ZMYM5: variants seen among roughly 807,000 people sequenced by gnomAD.
ZMYM5 encodes zinc finger MYM-type containing 5.
In ZMYM5, 41 loss-of-function variants were observed where a neutral mutation model predicts 61.8. That is an observed-to-expected ratio of 0.66 (90% confidence interval 0.52 to 0.86). The LOEUF (loss-of-function observed/expected upper bound fraction) is 0.86. ZMYM5 is among the 40% of genes least tolerant of loss of function. ZMYM5 has a pLI of 0.00. For missense variants in ZMYM5, 706 were observed against 786.7 expected, an observed-to-expected ratio of 0.90 and a Z score of 1.23; for synonymous variants, 257 against 276.4, an observed-to-expected ratio of 0.93 and a Z score of 0.70.
intron 4 of ZMYM5, among the ~76,000 whole-genome samples, chr13:19,840,729 T>C (rs1181864285): frequency 1.3e-5 from 2 of 151,248 alleles, no homozygotes; most frequent in East Asian, 2.0e-4. Context: ...CAGGCTGGAG[T>C]GCAGTGGTGC....
chr13:19,842,960 C>CAAAA (rs753799756), intron 4 of ZMYM5, among the ~76,000 whole-genome samples: 3 of 77,734 alleles, frequency 3.9e-5, no homozygotes, highest in African/African-American at 1.4e-4. Context: ...AACTCCATCT[C>CAAAA]AAAAAAAAAA....
chr13:19,838,770 A>G lies in ZMYM5; in HGVS notation c.802T>C (p.Cys268Arg), dbSNP rs1952758421. The G allele has an allele frequency of 1.2e-6, 2 of 1,614,114 alleles. No individual in the cohort carries two copies. Among genetic ancestry groups the G allele is most frequent in the South Asian group, 2.2e-5 (2 of 91,086 alleles). ...YQRKGSAHLF[C>R]STTCLSSFSH... ...AAGGAAGAAAGGCAGGTGGTAGAGC[A>G]AAAGAGGTGAGCTGATCCTTTTCGT... The change falls in exon 5 of 8, where the codon TGC (cysteine) becomes CGC (arginine). Residue 268 changes from cysteine (C) to arginine (R), a missense_variant. Cys to Arg is a radical substitution (Grantham distance 180, BLOSUM62 -3). Around this residue, in one of 2 missense-constraint regions of ZMYM5, gnomAD observed 480 missense variants for 461.7 expected, o/e 1.04. Transcript: ENST00000337963.
chr13:19,839,596 G>A (rs919397457), intron 4 of ZMYM5, among the ~76,000 whole-genome samples: 3 of 151,670 alleles, frequency 2.0e-5, no homozygotes, highest in African/African-American at 7.3e-5. Flanking sequence ...GGCTGGTCAC[G>A]GACTCCTGGC....
At position 19,836,852 on chromosome 13, in the gene ZMYM5, C is replaced by A. The variant is rs116813665; in HGVS notation, c.1038+804G>T. ...GTGAGGACTGCCTGCATGCATGTTTCTTCTCTTCTAGGAAATGGGAAGATT... is the reference window on the plus strand; with the variant it reads ...GTGAGGACTGCCTGCATGCATGTTTATTCTCTTCTAGGAAATGGGAAGATT... On this transcript the variant is annotated intron_variant, in intron 6 of 7. Transcript: ENST00000337963. 2.1e-3 allele frequency among the ~76,000 whole-genome samples: 325 copies of A among 152,220 alleles called. 2 individuals are homozygous for A. The highest frequency in any genetic ancestry group is 6.3e-3 in the African/African-American group (260 of 41,540).
intron 7 of ZMYM5, among the ~76,000 whole-genome samples, chr13:19,835,252 C>T (rs1952639365): frequency 6.6e-6 from 1 of 152,068 alleles, no homozygotes; most frequent in African/African-American, 2.4e-5. Context: ...ACCTCAGCCT[C>T]CCAAAATGAT....
chr13:19,831,789 A>G (rs75243057), intron 7 of ZMYM5, among the ~76,000 whole-genome samples: 3 of 135,312 alleles, frequency 2.2e-5, no homozygotes, highest in African/African-American at 6.1e-5. Context: ...CTCTGTCTCA[A>G]AAAAAAAAAA....
At chr13:19,863,106 C>T (rs555662120) in intron 1 of ZMYM5, among the ~76,000 whole-genome samples, 3 of 152,196 alleles carry the variant, frequency 2.0e-5, no homozygotes, top group South Asian at 4.1e-4. Context: ...GCCGGGGCGC[C>T]CCTCCCTCGC....
chr13:19,861,604 C>A (rs1953765002), intron 2 of ZMYM5, among the ~76,000 whole-genome samples: 1 of 152,136 alleles, frequency 6.6e-6, no homozygotes, highest in South Asian at 2.1e-4. Context: ...ATAAGCTAAT[C>A]ACAAGTTTGT....
At chr13:19,863,260 C>G (rs978523201) in intron 1 of ZMYM5, among the ~76,000 whole-genome samples, 190 bp downstream of exon 1, 1 of 151,798 alleles carries the variant, frequency 6.6e-6, no homozygotes, top group African/African-American at 2.4e-5. Context: ...ACCCAACCCT[C>G]CCGGCCTCGC....
intron 4 of ZMYM5, among the ~76,000 whole-genome samples, chr13:19,843,849 A>AG (rs751040330): frequency 6.7e-5 from 10 of 148,416 alleles, no homozygotes; most frequent in East Asian, 2.0e-4. Context: ...AAAAAAAAAA[A>AG]GGGGGCCAGG....
intron 4 of ZMYM5, among the ~76,000 whole-genome samples, chr13:19,841,513 C>T (rs1952877320): frequency 6.6e-6 from 1 of 151,212 alleles, no homozygotes; most frequent in Admixed American, 6.6e-5. Flanking sequence ...CTCTTGATGT[C>T]TGATACTTTA....
At position 19,825,016 on chromosome 13, in the gene ZMYM5, A is replaced by G. The variant is rs201812068; in HGVS notation, c.1471T>C (p.Ser491Pro). Residue 491 changes from serine (S) to proline (P), a missense_variant, in exon 8 of 8, where the codon TCT becomes CCT. Physicochemically the swap from Ser to Pro is moderately conservative, Grantham distance 74 (BLOSUM62 -1). Around this residue, in one of 2 missense-constraint regions of ZMYM5, gnomAD observed 226 missense variants for 325.0 expected, o/e 0.70. Coordinates refer to ENST00000337963, the MANE Select transcript of ZMYM5 (RefSeq NM_001142684.2). ...GTATCAGCTATGGTTGACGTGGAAG[A>G]AGGAGGTAAATTCACATTCTCTTGG... ...LIQENVNLPP[S>P]STSTIADTFQ... The G allele has an allele frequency of 8.4e-5, 115 of 1,367,488 alleles. No individual in the cohort carries two copies. Among genetic ancestry groups the G allele is most frequent in the Middle Eastern group, 6.3e-4 (3 of 4,790 alleles). The allele number at this position is 1,367,488 out of a possible 1,614,324, so 84.7% of individuals were successfully genotyped here.
intron 6 of ZMYM5, 94 bp downstream of exon 6, chr13:19,837,562 G>T: frequency 6.2e-7 from 1 of 1,608,562 alleles, no homozygotes; most frequent in Admixed American, 1.7e-5. Flanking sequence ...TCCAGAACAC[G>T]TGCATTATGT....
Position 19,824,594 on chromosome 13 carries a change from ATTG to A in ZMYM5, c.1890_1892del (p.Asn631del), listed in dbSNP as rs780601077. On this transcript the variant is annotated inframe_deletion, in exon 8 of 8. Transcript: ENST00000337963. ...ATTTTAATTTTGAGTACTTAACACT[ATTG>A]TTGACGTGCATTTCACTTTCTTCAT... The A allele has an allele frequency of 7.6e-7, 1 of 1,317,540 alleles. No homozygotes were observed. The highest frequency in any genetic ancestry group is 1.0e-6 in the Non-Finnish European group (1 of 996,130). The allele number at this position is 1,317,540 out of a possible 1,614,324, so 81.6% of individuals were successfully genotyped here. A position where few individuals can be genotyped will look rare whatever the true frequency, so the allele number is the denominator to read the frequency against.
intron 7 of ZMYM5, among the ~76,000 whole-genome samples, chr13:19,831,808 A>AC (rs1257137983): frequency 2.0e-5 from 3 of 150,746 alleles, no homozygotes; most frequent in South Asian, 2.1e-4. Context: ...AAAAAAAAAA[A>AC]AAAAAACCAT....
intron 4 of ZMYM5, among the ~76,000 whole-genome samples, chr13:19,848,439 G>A (rs1046923012): frequency 4.6e-5 from 7 of 151,724 alleles, no homozygotes; most frequent in South Asian, 2.1e-4. Flanking sequence ...GAGCTACTAC[G>A]TCCATCCATT....
chr13:19,842,170 T>G (rs1952902580), intron 4 of ZMYM5, among the ~76,000 whole-genome samples: 1 of 152,182 alleles, frequency 6.6e-6, no homozygotes, highest in South Asian at 2.1e-4. Flanking sequence ...GAAGAGCCAG[T>G]TGTATTGGTT....
chr13:19,839,538 A>T (rs1370382172), intron 4 of ZMYM5, among the ~76,000 whole-genome samples: 1 of 150,956 alleles, frequency 6.6e-6, no homozygotes, highest in Non-Finnish European at 1.5e-5. Context: ...ACCCAGCTAA[A>T]TTTTTTTTTC....
At chr13:19,857,917 G>C (rs1175009095) in intron 2 of ZMYM5, among the ~76,000 whole-genome samples, 2 of 152,056 alleles carry the variant, frequency 1.3e-5, no homozygotes, top group Non-Finnish European at 2.9e-5. Flanking sequence ...GGAGGCTGAG[G>C]TGGAAGGATG....
Sources: allele counts gnomAD v4.1 joint callset (sites outside exome capture counted in the v4.1 genomes callset), GRCh38; gene constraint gnomAD v4.1.1; regional missense constraint gnomAD v4.1.1; transcripts MANE v1.5; gene names NCBI Gene and HGNC (gene_info 2026-07-23, HGNC 2026-07-21).